RNF43: variants seen among roughly 807,000 people sequenced by gnomAD.
RNF43 encodes E3 ubiquitin-protein ligase RNF43.
Under a neutral mutation model 78.4 loss-of-function variants are expected in RNF43, and 37 were observed. The ratio of observed to expected loss-of-function variants is 0.47; its 90% confidence interval spans 0.36 to 0.62. The LOEUF is 0.62. Ranked by LOEUF, RNF43 falls within the 20% of genes least tolerant of loss-of-function variation. The pLI is 0.00. For synonymous variants in RNF43, 347 were observed against 395.0 expected, an observed-to-expected ratio of 0.88 and a Z score of 1.44; for missense variants, 774 against 1,007.9, an observed-to-expected ratio of 0.77 and a Z score of 3.14.
chr17:58,360,141 C>T lies in RNF43; in HGVS notation c.952+8G>A. The T allele has an allele frequency of 3.1e-6, 5 of 1,610,604 alleles. No individual in the cohort carries two copies. The highest frequency in any genetic ancestry group is 4.2e-6 in the Non-Finnish European group (5 of 1,177,180). On this transcript the variant is annotated splice_region_variant and intron_variant, in intron 8 of 9. Coordinates refer to ENST00000407977, the MANE Select transcript of RNF43 (RefSeq NM_017763.6). The surrounding 1 kb of genome is among the most constrained non-coding windows in gnomAD (Gnocchi z 4.3). ...TACACAGAGGGGAGTCCTTGGCCCACCTCCTACCTGTGATGTTGAACATGC... is the reference window on the plus strand; with the variant it reads ...TACACAGAGGGGAGTCCTTGGCCCATCTCCTACCTGTGATGTTGAACATGC...
chr17:58,405,754 G>A (rs1220904760), intron 2 of RNF43, among the ~76,000 whole-genome samples: 2 of 148,836 alleles, frequency 1.3e-5, no homozygotes, highest in African/African-American at 5.0e-5. Context: ...AAGAAAGAAA[G>A]AAAGAAAGAA....
chr17:58,372,523 A>G (rs547067410), intron 2 of RNF43, among the ~76,000 whole-genome samples: 6 of 152,314 alleles, frequency 3.9e-5, no homozygotes, highest in African/African-American at 7.2e-5. Context: ...TAGTCTCTCT[A>G]TCTGTCCATG....
At chr17:58,398,133 C>T (rs1041010337) in intron 2 of RNF43, among the ~76,000 whole-genome samples, 4 of 152,164 alleles carry the variant, frequency 2.6e-5, no homozygotes, top group African/African-American at 7.2e-5. Context: ...TCAGCTTCTT[C>T]CTTTTAGGTT....
At chr17:58,376,743 C>T (rs1172044704) in intron 2 of RNF43, among the ~76,000 whole-genome samples, 1 of 152,142 alleles carries the variant, frequency 6.6e-6, no homozygotes, top group Non-Finnish European at 1.5e-5. Flanking sequence ...CCCTCAGTGA[C>T]ACCAGGGGAG....
At chr17:58,405,569 T>A (rs1444261429) in intron 2 of RNF43, among the ~76,000 whole-genome samples, 1 of 151,788 alleles carries the variant, frequency 6.6e-6, no homozygotes, top group Non-Finnish European at 1.5e-5. Context: ...ATCCCAGAGC[T>A]TTGGGAGGCA....
intron 3 of RNF43, among the ~76,000 whole-genome samples, chr17:58,369,169 A>G (rs1401871018): frequency 4.6e-5 from 7 of 152,220 alleles, no homozygotes; most frequent in Admixed American, 4.6e-4. Context: ...AATGAGTGAC[A>G]TTTGCCCATA....
chr17:58,417,262 C>G lies in RNF43; in HGVS notation c.-631G>C, dbSNP rs1456951190. ...ACTCCGGGATGAGAGATGCTGTCCCCTAGAACTAAATTAAACACTTACAGA... is the reference window on the plus strand; with the variant it reads ...ACTCCGGGATGAGAGATGCTGTCCCGTAGAACTAAATTAAACACTTACAGA... On this transcript the variant is annotated 5_prime_UTR_variant, in exon 1 of 10. Coordinates refer to ENST00000407977, the MANE Select transcript of RNF43 (RefSeq NM_017763.6). 1 of 152,204 alleles carries G rather than the reference C, an allele frequency of 6.6e-6. No individual in the cohort carries two copies. The highest frequency in any genetic ancestry group is 2.4e-5 in the African/African-American group (1 of 41,450). The allele number at this position is 152,204 out of a possible 1,614,324, so 9.4% of individuals were successfully genotyped here.
intron 2 of RNF43, 108 bp downstream of exon 2, chr17:58,415,218 A>G: frequency 8.6e-7 from 1 of 1,164,416 alleles, no homozygotes; most frequent in Admixed American, 2.0e-5. Context: ...TCTATGAAAT[A>G]GAAAGCTAAG....
chr17:58,372,553 T>G (rs1201067530), intron 2 of RNF43, among the ~76,000 whole-genome samples: 2 of 152,234 alleles, frequency 1.3e-5, no homozygotes, highest in Non-Finnish European at 2.9e-5. Context: ...ATTTCTTTGT[T>G]CTGCCAGCAC....
intron 2 of RNF43, among the ~76,000 whole-genome samples, chr17:58,381,910 G>GA (rs5821228): frequency 0.35 from 53,454 of 151,434 alleles, 10,072 homozygotes; most frequent in East Asian, 0.51. Flanking sequence ...GTTCTATAGA[G>GA]AAAAAAAATG....
At position 58,358,548 on chromosome 17, in the gene RNF43, G is replaced by A. The variant is rs1212368515; in HGVS notation, c.1228C>T (p.His410Tyr). The stretch of plus-strand genomic sequence containing the variant: ...AGTCCCCAGCCTTGTGCATAGGGGT[G>A]CTGGGCTCCTGCCAGGCGCTGCTGC... ...GEQQRLAGAQHPYAQGWGLSH... is the reference protein window; with the variant it reads ...GEQQRLAGAQYPYAQGWGLSH... The change falls in exon 9 of 10, where the codon CAC (histidine) becomes TAC (tyrosine). Residue 410 changes from histidine (H) to tyrosine (Y), a missense_variant. By Grantham distance (83) the His-to-Tyr change is moderately conservative. Coordinates refer to ENST00000407977, the MANE Select transcript of RNF43 (RefSeq NM_017763.6). The surrounding 1 kb of genome is among the most constrained non-coding windows in gnomAD (Gnocchi z 6.2). The A allele has an allele frequency of 1.2e-6, 2 of 1,611,570 alleles. No homozygotes were observed. The highest frequency in any genetic ancestry group is 1.7e-4 in the Middle Eastern group (1 of 6,050).
intron 2 of RNF43, among the ~76,000 whole-genome samples, chr17:58,385,450 C>T (rs1442277210): frequency 6.6e-6 from 1 of 152,232 alleles, no homozygotes; most frequent in Non-Finnish European, 1.5e-5. Flanking sequence ...GAGACTCTGG[C>T]TGAGCAAAGA....
intron 9 of RNF43, 64 bp from the exon 10 acceptor site, chr17:58,355,050 G>A (rs1287900671): frequency 2.9e-5 from 41 of 1,394,854 alleles, no homozygotes; most frequent in East Asian, 4.6e-5. Context: ...TGCTTCTCTC[G>A]CCTGCAGCAG....
At chr17:58,352,804 C>T (rs1972587399), downstream of RNF43, 1 of 219,820 alleles carries the variant, frequency 4.5e-6, no homozygotes, top group Non-Finnish European at 9.1e-6. Context: ...ATAATTTATA[C>T]TTTGCGCAGT....
intron 2 of RNF43, among the ~76,000 whole-genome samples, chr17:58,379,472 C>G (rs1291947714): frequency 1.3e-5 from 2 of 152,232 alleles, no homozygotes; most frequent in Non-Finnish European, 2.9e-5. Flanking sequence ...GTCACAGAAG[C>G]TCAGACCCAA....
intron 8 of RNF43, among the ~76,000 whole-genome samples, chr17:58,359,926 C>T (rs1972794106): frequency 6.6e-6 from 1 of 151,870 alleles, no homozygotes; most frequent in African/African-American, 2.4e-5. Flanking sequence ...AACTCCGTCT[C>T]AAAAAATAAA....
chr17:58,405,299 G>A (rs1011781812), intron 2 of RNF43, among the ~76,000 whole-genome samples: 6 of 151,694 alleles, frequency 4.0e-5, no homozygotes, highest in Non-Finnish European at 8.8e-5. Flanking sequence ...GGATGGTCTC[G>A]ATCTCCTGAC....
chr17:58,357,649 C>A lies in RNF43; in HGVS notation c.2127G>T (p.Arg709Ser), dbSNP rs142838983. 1 of 1,613,706 alleles carries A rather than the reference C, an allele frequency of 6.2e-7. No homozygotes were observed. Among genetic ancestry groups the A allele is most frequent in the South Asian group, 1.1e-5 (1 of 91,046 alleles). The change falls in exon 9 of 10, where the codon AGG (arginine) becomes AGT (serine). Residue 709 changes from arginine to serine, a missense_variant. Transcript: ENST00000407977. This position sits in a 1 kb window ranked among gnomAD's most constrained non-coding sequence, Gnocchi z 4.5. ...AGGGGCCTGGGGTTTCTGGTAGCAG[C>A]CTCTTGTCCAGGCCTGGAGGTCCAC... Reference protein sequence around the residue: ...LICGPPGLDKRLLPETPGPCY... With the variant: ...LICGPPGLDKSLLPETPGPCY...
At chr17:58,362,698 G>C (rs1435945996) in intron 5 of RNF43, 50 bp from the exon 6 acceptor site, 6 of 1,444,524 alleles carry the variant, frequency 4.2e-6, no homozygotes, top group Non-Finnish European at 9.5e-7. Context: ...GATGAGCTGG[G>C]TCAATTCGGG....
Sources: allele counts gnomAD v4.1 joint callset (sites outside exome capture counted in the v4.1 genomes callset), GRCh38; gene constraint gnomAD v4.1.1; non-coding constraint Gnocchi (gnomAD v3.1); transcripts MANE v1.5; gene names NCBI Gene and HGNC (gene_info 2026-07-23, HGNC 2026-07-21).